The following LRBA variants were observed in gnomAD, a reference collection of about 807,000 sequenced individuals.
LRBA encodes LPS responsive beige-like anchor protein.
LRBA carries 176 observed loss-of-function variants against 330.0 expected under a neutral mutation model. The observed-to-expected ratio is 0.53, with a 90% confidence interval of 0.47 to 0.60. LRBA has a LOEUF of 0.60. Among genes scored for constraint, LRBA ranks in the 20% least tolerant of loss-of-function variants. LRBA has a pLI of 0.00. For synonymous variants in LRBA, 1,230 were observed against 1,193.0 expected (o/e 1.03, Z -0.64); for missense variants, 3,259 against 3,444.8 (o/e 0.95, Z 1.35).
chr4:150,617,901 GT>G (rs1775924299), intron 37 of LRBA, among the ~76,000 whole-genome samples: 1 of 152,102 alleles, frequency 6.6e-6, no homozygotes, highest in Non-Finnish European at 1.5e-5. Context: ...GAGCCCAGGA[GT>G]TCAACACCAA....
chr4:150,993,066 G>C (rs1742270909), intron 2 of LRBA, among the ~76,000 whole-genome samples: 1 of 152,012 alleles, frequency 6.6e-6, no homozygotes, highest in African/African-American at 2.4e-5. Context: ...AGGATTGTTT[G>C]AGCCCAGGAT....
chr4:150,950,245 CCAGT>C (rs1390052400), intron 2 of LRBA, among the ~76,000 whole-genome samples: 1 of 152,060 alleles, frequency 6.6e-6, no homozygotes, highest in Non-Finnish European at 1.5e-5. Flanking sequence ...TATGTGACAA[CCAGT>C]CAAAGTCCAC....
At chr4:150,556,731 A>C (rs1767366935) in intron 40 of LRBA, among the ~76,000 whole-genome samples, 1 of 152,204 alleles carries the variant, frequency 6.6e-6, no homozygotes, top group Non-Finnish European at 1.5e-5. Context: ...TGGATTTTGA[A>C]AAGACATCTT....
At chr4:150,849,026 A>G in intron 25 of LRBA, 28 bp from the exon 26 acceptor site, 1 of 1,482,554 alleles carries the variant, frequency 6.7e-7, no homozygotes, top group Non-Finnish European at 9.1e-7. Flanking sequence ...TGACATTTAT[A>G]TATATATATT....
chr4:150,413,100 T>C (rs1747247790), intron 47 of LRBA, among the ~76,000 whole-genome samples: 1 of 151,656 alleles, frequency 6.6e-6, no homozygotes, highest in African/African-American at 2.4e-5. Flanking sequence ...GAGTAGCAAA[T>C]AAGTCGGTGA....
chr4:150,423,693 C>G (rs1263325317), intron 46 of LRBA: 1 of 213,244 alleles, frequency 4.7e-6, no homozygotes, highest in Admixed American at 5.8e-5. Context: ...CACTGCACGC[C>G]CCGCACAGCA....
chr4:151,012,624 C>T (rs1744978844), intron 2 of LRBA, among the ~76,000 whole-genome samples: 1 of 152,116 alleles, frequency 6.6e-6, no homozygotes, highest in African/African-American at 2.4e-5. Context: ...GTTGAAGCTG[C>T]ACAACGGATA....
At chr4:150,467,582 A>G in intron 44 of LRBA, 91 bp downstream of exon 44, 2 of 772,144 alleles carry the variant, frequency 2.6e-6, no homozygotes, top group Non-Finnish European at 4.2e-6. Flanking sequence ...TATTTGAAAA[A>G]AATTTTTAAG....
intron 37 of LRBA, among the ~76,000 whole-genome samples, chr4:150,614,652 G>A (rs1775586650): frequency 6.6e-6 from 1 of 152,204 alleles, no homozygotes; most frequent in African/African-American, 2.4e-5. Context: ...CATGGAAAAA[G>A]TAGACCTATA....
At chr4:150,651,947 G>C (rs1779745234) in intron 37 of LRBA, among the ~76,000 whole-genome samples, 1 of 152,072 alleles carries the variant, frequency 6.6e-6, no homozygotes, top group East Asian at 1.9e-4. Context: ...GGGCTCAAGT[G>C]ATTCTCCCAC....
rs981381756 is a variant in LRBA at position 150,657,594 on chromosome 4, A to G, written c.5921+25957T>C. 5.3e-5 allele frequency among the ~76,000 whole-genome samples: 8 copies of G among 152,178 alleles called. No individual in the cohort carries two copies. In the East Asian group the frequency reaches 1.5e-3, roughly 29 times the overall value. On this transcript the variant is annotated intron_variant, in intron 37 of 56. Coordinates refer to ENST00000651943, the MANE Select transcript of LRBA (RefSeq NM_001364905.1). ...ATTGTATTTATATATAAAGTTTTAA[A>G]AAAATACAAGAATTCATAGTACAGT...
At chr4:150,557,036 A>G (rs911541722) in intron 40 of LRBA, among the ~76,000 whole-genome samples, 1 of 152,224 alleles carries the variant, frequency 6.6e-6, no homozygotes, top group African/African-American at 2.4e-5. Context: ...TTCTTCACTG[A>G]AAAGAATTAA....
At chr4:150,490,891 T>C in intron 41 of LRBA, 27 bp downstream of exon 41, 3 of 1,351,614 alleles carry the variant, frequency 2.2e-6, no homozygotes, top group South Asian at 2.5e-5. Flanking sequence ...GTTAGCTCTG[T>C]AACAACGTAT....
intron 40 of LRBA, among the ~76,000 whole-genome samples, chr4:150,531,991 T>A (rs1764101689): frequency 6.6e-6 from 1 of 152,182 alleles, no homozygotes; most frequent in African/African-American, 2.4e-5. Context: ...TTTAGCTCAG[T>A]TTTGCAGCTG....
At chr4:150,813,444 AAAATTTG>A (rs889394534) in intron 31 of LRBA, among the ~76,000 whole-genome samples, 2 of 152,230 alleles carry the variant, frequency 1.3e-5, no homozygotes, top group Admixed American at 6.5e-5. Flanking sequence ...TATTCAAATT[AAAATTTG>A]AAATTTGAAA....
chr4:150,520,399 TC>T (rs79755402), intron 40 of LRBA, among the ~76,000 whole-genome samples: 16 of 152,270 alleles, frequency 1.1e-4, no homozygotes, highest in African/African-American at 2.9e-4. Flanking sequence ...TATTTTTTTT[TC>T]CTTAGGAATA....
intron 33 of LRBA, among the ~76,000 whole-genome samples, 169 bp downstream of exon 33, chr4:150,806,102 T>C (rs1240333329): frequency 1.3e-5 from 2 of 151,922 alleles, no homozygotes; most frequent in Non-Finnish European, 2.9e-5. Context: ...ATCTTGAAGA[T>C]TACAACATAA....
At chr4:150,727,067 G>GTTTTTTTTTTT (rs34671398) in intron 36 of LRBA, among the ~76,000 whole-genome samples, 3 of 79,530 alleles carry the variant, frequency 3.8e-5, no homozygotes, top group Non-Finnish European at 6.4e-5. Context: ...ACATTTCGTT[G>GTTTTTTTTTTT]TTTTTTTTTT....
chr4:150,657,530 T>C (rs1161962181), intron 37 of LRBA, among the ~76,000 whole-genome samples: 1 of 151,980 alleles, frequency 6.6e-6, no homozygotes, highest in Non-Finnish European at 1.5e-5. Context: ...AACAAATTTT[T>C]TATCCTTTCA....
Sources: gnomAD v4.1 joint callset for allele counts (sites outside exome capture counted in the v4.1 genomes callset) on GRCh38, gnomAD v4.1.1 for gene constraint, MANE v1.5 for transcripts, NCBI Gene and HGNC (gene_info 2026-07-23, HGNC 2026-07-21) for gene names.